The following TFB1M variants were observed in gnomAD, a reference collection of about 807,000 sequenced individuals.
TFB1M encodes dimethyladenosine transferase 1, mitochondrial.
Under a neutral mutation model 31.1 loss-of-function variants are expected in TFB1M, and 27 were observed. The ratio of observed to expected loss-of-function variants is 0.87; its 90% CI spans 0.64 to 1.20. The LOEUF (loss-of-function observed/expected upper bound fraction) is 1.20. Among genes scored for constraint, TFB1M ranks in the 50% most tolerant of loss-of-function variants. The probability of loss-of-function intolerance (pLI) is 0.00; values close to 1 mark genes in which losing one functional copy is unlikely to be tolerated. For missense variants in TFB1M, 394 were observed against 418.7 expected (o/e 0.94, Z 0.51); for synonymous variants, 166 against 151.8 (o/e 1.09, Z -0.69).
intron 5 of TFB1M, among the ~76,000 whole-genome samples, chr6:155,272,224 C>T (rs1784950435): frequency 6.6e-6 from 1 of 152,116 alleles, no homozygotes. Flanking sequence ...TGTCTTAATG[C>T]TTAGAGATCT....
intron 5 of TFB1M, chr6:155,275,710 C>G: frequency 1.9e-6 from 3 of 1,606,784 alleles, no homozygotes; most frequent in Non-Finnish European, 2.6e-6. Flanking sequence ...ACAGACTTAA[C>G]AGTAACATCA....
the TFB1M span, among the ~76,000 whole-genome samples, chr6:155,242,341 A>C: frequency 6.6e-6 from 1 of 152,152 alleles, no homozygotes; most frequent in Admixed American, 6.5e-5. Flanking sequence ...TTTAACACAG[A>C]ATCTTGTTGT....
chr6:155,239,710 C>T, the TFB1M span, among the ~76,000 whole-genome samples: 3 of 152,172 alleles, frequency 2.0e-5, no homozygotes, highest in Non-Finnish European at 4.4e-5. Context: ...TGACTGGGAG[C>T]GAGTATTTCC....
intron 4 of TFB1M, among the ~76,000 whole-genome samples, chr6:155,290,818 G>A (rs1014740375): frequency 6.6e-6 from 1 of 152,132 alleles, no homozygotes; most frequent in Non-Finnish European, 1.5e-5. Flanking sequence ...CCACAGATGT[G>A]GTTTAATAAG....
chr6:155,248,859 T>A, the TFB1M span, among the ~76,000 whole-genome samples: 10 of 152,178 alleles, frequency 6.6e-5, no homozygotes, highest in African/African-American at 2.4e-4. Flanking sequence ...GGTGATAAAA[T>A]TTATGGGGAG....
At chr6:155,300,993 C>T (rs1012405448) in intron 2 of TFB1M, among the ~76,000 whole-genome samples, 3 of 151,686 alleles carry the variant, frequency 2.0e-5, no homozygotes, top group Non-Finnish European at 4.4e-5. Context: ...TTAGTAGAGA[C>T]GAGGTTTCAC....
At chr6:155,253,081 GA>G, downstream of TFB1M, 1 of 1,575,024 alleles carries the variant, frequency 6.3e-7, no homozygotes. Flanking sequence ...TATGATGCCA[GA>G]AAAAGCATTT....
chr6:155,274,471 A>T (rs559044146), intron 5 of TFB1M, among the ~76,000 whole-genome samples: 1 of 152,214 alleles, frequency 6.6e-6, no homozygotes, highest in Non-Finnish European at 1.5e-5. Context: ...ACATACAACT[A>T]ATGATGTGGT....
At chr6:155,253,201 G>T, downstream of TFB1M, 1 of 657,708 alleles carries the variant, frequency 1.5e-6, no homozygotes, top group South Asian at 2.0e-5. Context: ...TTGTTTTGAT[G>T]TTCCTTAGCA....
the TFB1M span, chr6:155,248,097 G>C: frequency 6.2e-7 from 1 of 1,614,178 alleles, no homozygotes. Context: ...AGCCGGTTCA[G>C]AGAGTGCTCA....
intron 3 of TFB1M, 95 bp downstream of exon 3, chr6:155,298,382 A>G: frequency 1.4e-6 from 1 of 723,878 alleles, no homozygotes; most frequent in African/African-American, 1.8e-5. Flanking sequence ...AAATATAAAC[A>G]TATAAGACAT....
Position 155,314,408 on chromosome 6 carries a change from G to A in TFB1M, c.21C>T (p.Leu7=). 1 of 1,614,252 alleles carries A rather than the reference G, an allele frequency of 6.2e-7. No individual in the cohort carries two copies. The highest frequency in any genetic ancestry group is 8.5e-7 in the Non-Finnish European group (1 of 1,180,050). Residue 7 remains leucine (L), a synonymous_variant, in exon 1 of 7, where the codon CTC becomes CTT. Coordinates refer to ENST00000367166, the MANE Select transcript of TFB1M (RefSeq NM_016020.4). ...GCAACGGAGGGAGACGGCAAGTGCT[G>A]AGTTTTCCGGAGGCAGCCATGATAC... MAASGK[L]STCRLPPLPT...
chr6:155,234,006 G>T, the TFB1M span, among the ~76,000 whole-genome samples: 3,430 of 151,200 alleles, frequency 0.023, 138 homozygotes, highest in African/African-American at 0.078. Context: ...TTTTTTTTGG[G>T]GGGGGGTTGG....
chr6:155,230,317 A>G, the TFB1M span, among the ~76,000 whole-genome samples: 1 of 152,202 alleles, frequency 6.6e-6, no homozygotes, highest in African/African-American at 2.4e-5. Context: ...CTTGGGCCAC[A>G]GTTACACTGG....
intron 4 of TFB1M, 139 bp from the exon 5 acceptor site, chr6:155,285,416 GAC>G: frequency 1.1e-6 from 1 of 890,422 alleles, no homozygotes; most frequent in Non-Finnish European, 1.8e-6. Context: ...TCTGACACAT[GAC>G]ACACAGCAAA....
At chr6:155,285,413 C>G in intron 4 of TFB1M, 136 bp from the exon 5 acceptor site, 1 of 909,132 alleles carries the variant, frequency 1.1e-6, no homozygotes, top group Admixed American at 2.1e-5. Context: ...CTATCTGACA[C>G]ATGACACACA....
At chr6:155,312,202 T>G (rs1778044630) in intron 1 of TFB1M, among the ~76,000 whole-genome samples, 1 of 152,204 alleles carries the variant, frequency 6.6e-6, no homozygotes, top group South Asian at 2.1e-4. Flanking sequence ...TATTTTTGCT[T>G]GTTTTCAACA....
At chr6:155,238,921 T>C in the TFB1M span, among the ~76,000 whole-genome samples, 2 of 152,178 alleles carry the variant, frequency 1.3e-5, no homozygotes, top group South Asian at 4.1e-4. Flanking sequence ...AGTTTTAATG[T>C]GGATTGTATA....
chr6:155,257,977 A>C lies in TFB1M; in HGVS notation c.900T>G (p.Phe300Leu), dbSNP rs1366943834. The change falls in exon 7 of 7, where the codon TTT becomes TTG. Residue 300 changes from phenylalanine to leucine, a missense_variant. This residue lies in a region of TFB1M where 115 missense variants were observed against 144.1 expected (regional missense o/e 0.80). Coordinates refer to ENST00000367166, the MANE Select transcript of TFB1M (RefSeq NM_016020.4). ...LRPRQLSISHFKSLCDVYRKM... is the reference protein window; with the variant it reads ...LRPRQLSISHLKSLCDVYRKM... ...TTCTGTATACATCACAGAGGCTCTTAAAGTGTGAGATGGAGAGCTGGCGGG... is the reference window on the plus strand; with the variant it reads ...TTCTGTATACATCACAGAGGCTCTTCAAGTGTGAGATGGAGAGCTGGCGGG... 6.2e-7 allele frequency: 1 copy of C among 1,614,090 alleles called. No homozygotes were observed. The highest frequency in any genetic ancestry group is 8.5e-7 in the Non-Finnish European group (1 of 1,180,046).
Sources: gnomAD v4.1 joint callset for allele counts (sites outside exome capture counted in the v4.1 genomes callset) on GRCh38, gnomAD v4.1.1 for gene constraint, gnomAD v4.1.1 regional missense constraint, MANE v1.5 for transcripts, NCBI Gene and HGNC (gene_info 2026-07-23, HGNC 2026-07-21) for gene names.